Variants in SMPDL3A observed in about 807,000 individuals in gnomAD.
SMPDL3A encodes cyclic GMP-AMP phosphodiesterase SMPDL3A.
SMPDL3A carries 39 observed loss-of-function variants against 38.5 expected under a neutral mutation model. The ratio of observed to expected loss-of-function variants is 1.01; its 90% confidence interval spans 0.78 to 1.32. SMPDL3A has a LOEUF of 1.32. Ranked by LOEUF, SMPDL3A falls within the 40% of genes most tolerant of loss-of-function variation. SMPDL3A has a pLI of 0.00. For missense variants in SMPDL3A, 502 were observed against 536.2 expected, an observed-to-expected ratio of 0.94 and a Z score of 0.63; for synonymous variants, 180 against 194.3, an observed-to-expected ratio of 0.93 and a Z score of 0.61.
chr6:122,806,741 T>G (rs940475131), intron 7 of SMPDL3A, among the ~76,000 whole-genome samples: 2 of 152,180 alleles, frequency 1.3e-5, no homozygotes, highest in African/African-American at 4.8e-5. Flanking sequence ...GAGCCATTAT[T>G]TCTAAACTTT....
intron 1 of SMPDL3A, among the ~76,000 whole-genome samples, chr6:122,791,985 G>A (rs983601290): frequency 6.6e-6 from 1 of 152,124 alleles, no homozygotes; most frequent in Non-Finnish European, 1.5e-5. Context: ...GAGCCACCGC[G>A]CCCGACTTGG....
In SMPDL3A at chr6:122,803,664, G is replaced by T. The variant is rs767134454; in HGVS notation, c.569G>T (p.Gly190Val). Residue 190 changes from glycine (G) to valine (V), a missense_variant and splice_region_variant, in exon 5 of 8, where the codon GGT becomes GTT. Coordinates refer to ENST00000368440, the MANE Select transcript of SMPDL3A (RefSeq NM_006714.5). ...ATGTGTTTTAAAATTGTTTTTATAG[G>T]TGGTTTTTATTCACAGAAAGTTACA... The part of the protein sequence containing the change: ...DEEAISTLRK[G>V]GFYSQKVTTN... 7 of 1,608,298 alleles carry T rather than the reference G, an allele frequency of 4.4e-6. No homozygotes were observed. Among genetic ancestry groups the T allele is most frequent in the Non-Finnish European group, 5.9e-6 (7 of 1,176,772 alleles).
chr6:122,804,176 C>T (rs775393255), intron 5 of SMPDL3A, among the ~76,000 whole-genome samples: 10 of 151,778 alleles, frequency 6.6e-5, no homozygotes, highest in Admixed American at 1.3e-4. Context: ...TTAGCAGAGA[C>T]GGGGTTTTAC....
chr6:122,806,394 T>A, intron 7 of SMPDL3A, 37 bp downstream of exon 7: 1 of 1,569,874 alleles, frequency 6.4e-7, no homozygotes, highest in Non-Finnish European at 8.7e-7. Flanking sequence ...CCCATATTTA[T>A]GCATATCTTT....
At chr6:122,799,135 C>T (rs965729809) in intron 3 of SMPDL3A, among the ~76,000 whole-genome samples, 25 of 152,114 alleles carry the variant, frequency 1.6e-4, no homozygotes, top group African/African-American at 5.8e-4. Flanking sequence ...GATGCATGTC[C>T]CCACCCATGA....
chr6:122,805,648 G>A (rs891146416), intron 6 of SMPDL3A, among the ~76,000 whole-genome samples: 1 of 152,010 alleles, frequency 6.6e-6, no homozygotes, highest in Admixed American at 6.6e-5. Flanking sequence ...TTGTTGAGAC[G>A]GAGCCTCGCT....
chr6:122,809,041 C>A, intron 7 of SMPDL3A, 50 bp from the exon 8 acceptor site: 2 of 1,370,962 alleles, frequency 1.5e-6, no homozygotes, highest in Non-Finnish European at 2.1e-6. Flanking sequence ...TTGTACAATG[C>A]CTTATGTGCC....
rs1344752008 is a variant in SMPDL3A at position 122,809,571 on chromosome 6, C to G, written c.*163C>G. ...GATGCCTTAATGTAGATATCTTTAT[C>G]ATTCTGAATTGTATTATATATTTAA... is the stretch of plus-strand genomic sequence containing the variant. On this transcript the variant is annotated 3_prime_UTR_variant, in exon 8 of 8. Transcript: ENST00000368440. 1 of 568,010 alleles carries G rather than the reference C, an allele frequency of 1.8e-6. No individual in the cohort carries two copies. The highest frequency in any genetic ancestry group is 1.9e-5 in the African/African-American group (1 of 52,898). 35.2% of individuals were successfully genotyped at this position (568,010 alleles called of 1,614,324 possible).
chr6:122,805,233 G>GT (rs1781572963), intron 6 of SMPDL3A, 144 bp downstream of exon 6: 1 of 642,618 alleles, frequency 1.6e-6, no homozygotes, highest in Non-Finnish European at 2.5e-6. Context: ...ATCCTCAATG[G>GT]TTGTATGATG....
intron 4 of SMPDL3A, among the ~76,000 whole-genome samples, chr6:122,802,901 G>T (rs1219259040): frequency 2.2e-5 from 1 of 44,824 alleles, no homozygotes; most frequent in Non-Finnish European, 6.3e-5. Flanking sequence ...ACTTGGACAT[G>T]AAAGCAGCTT....
At chr6:122,790,444 A>C (rs903445191) in intron 1 of SMPDL3A, among the ~76,000 whole-genome samples, 1 of 152,208 alleles carries the variant, frequency 6.6e-6, no homozygotes, top group African/African-American at 2.4e-5. Flanking sequence ...GAGGAAAAAC[A>C]AAATTAGAGA....
At chr6:122,795,979 TA>T in intron 2 of SMPDL3A, 89 bp downstream of exon 2, 5 of 939,212 alleles carry the variant, frequency 5.3e-6, no homozygotes, top group Non-Finnish European at 8.0e-6. Flanking sequence ...ATAATAAGAT[TA>T]GTTACATTTT....
chr6:122,806,248 C>A lies in SMPDL3A; in HGVS notation c.935C>A (p.Ser312Tyr). Residue 312 changes from serine to tyrosine, a missense_variant, in exon 7 of 8, where the codon TCT becomes TAT. Transcript: ENST00000368440. ...TTTTGTTCAGGAAGTCCAGTAAATTCTTTGTTTGTGGCTCCTGCTGTTACA... is the reference window on the plus strand; with the variant it reads ...TTTTGTTCAGGAAGTCCAGTAAATTATTTGTTTGTGGCTCCTGCTGTTACA... ...LSDKKGSPVN[S>Y]LFVAPAVTPV... The A allele has an allele frequency of 6.2e-7, 1 of 1,612,176 alleles. No individual in the cohort carries two copies. Among genetic ancestry groups the A allele is most frequent in the Non-Finnish European group, 8.5e-7 (1 of 1,178,928 alleles).
rs1289625968 is a variant in SMPDL3A, at chr6:122,801,426, A to T, written c.568+20A>T. On this transcript the variant is annotated intron_variant, in intron 4 of 7. Coordinates refer to ENST00000368440, the MANE Select transcript of SMPDL3A (RefSeq NM_006714.5). ...GGAAAGGTAAGTGAAAGACTTAGTT[A>T]TTCCTATTTTGCCTCAATTTTTATT... 1 of 1,506,410 alleles carries T rather than the reference A, an allele frequency of 6.6e-7. No individual in the cohort carries two copies. The highest frequency in any genetic ancestry group is 1.4e-5 in the African/African-American group (1 of 72,932). 93.3% of individuals were successfully genotyped at this position (1,506,410 alleles called of 1,614,324 possible).
chr6:122,799,704 G>A (rs558992310), intron 3 of SMPDL3A, among the ~76,000 whole-genome samples: 2 of 152,188 alleles, frequency 1.3e-5, no homozygotes, highest in Non-Finnish European at 2.9e-5. Flanking sequence ...AAGTCATTTG[G>A]TTATTACTTG....
At chr6:122,789,598 T>C in intron 1 of SMPDL3A, 140 bp downstream of exon 1, 1 of 858,162 alleles carries the variant, frequency 1.2e-6, no homozygotes, top group South Asian at 1.6e-5. Flanking sequence ...GCGTCCGGCG[T>C]TGACCACGGC....
rs199548891 is a variant in SMPDL3A, at chr6:122,795,868, G to T, written c.304G>T (p.Ala102Ser). The T allele has an allele frequency of 6.2e-7, 1 of 1,612,324 alleles. No homozygotes were observed. Among genetic ancestry groups the T allele is most frequent in the Non-Finnish European group, 8.5e-7 (1 of 1,178,466 alleles). The change falls in exon 2 of 8, where the codon GCA becomes TCA. Residue 102 changes from alanine to serine, a missense_variant. Transcript: ENST00000368440. ...FDFIKNSGQE[A>S]SFMIWTGDSP... ...TTTTATTAAAAATTCTGGACAAGAAGCATCTTTCATGATATGGACAGGGTA... is the reference window on the plus strand; with the variant it reads ...TTTTATTAAAAATTCTGGACAAGAATCATCTTTCATGATATGGACAGGGTA...
At chr6:122,793,837 T>C (rs1213247396) in intron 1 of SMPDL3A, among the ~76,000 whole-genome samples, 1 of 152,216 alleles carries the variant, frequency 6.6e-6, no homozygotes, top group East Asian at 1.9e-4. Context: ...TTTTATTCAG[T>C]TGTAACATAT....
At chr6:122,795,588 C>A in intron 1 of SMPDL3A, 89 bp from the exon 2 acceptor site, 2 of 970,750 alleles carry the variant, frequency 2.1e-6, no homozygotes, top group Non-Finnish European at 3.1e-6. Flanking sequence ...CAGGGAGGAA[C>A]AACCGTCTCT....
Sources: allele counts gnomAD v4.1 joint callset (sites outside exome capture counted in the v4.1 genomes callset), GRCh38; gene constraint gnomAD v4.1.1; transcripts MANE v1.5; gene names NCBI Gene and HGNC (gene_info 2026-07-23, HGNC 2026-07-21).